The following SORCS1 variants were observed in gnomAD, a reference collection of about 807,000 sequenced individuals.
The protein encoded by SORCS1 is VPS10 domain-containing receptor SorCS1.
In SORCS1, 60 loss-of-function variants were observed where a neutral mutation model predicts 146.1. The observed-to-expected ratio is 0.41, with a 90% confidence interval of 0.33 to 0.51. SORCS1 has a LOEUF of 0.51. Among genes scored for constraint, SORCS1 ranks in the 20% least tolerant of loss-of-function variants. The pLI is 0.21. For synonymous variants in SORCS1, 637 were observed against 584.0 expected (o/e 1.09, Z -1.31); for missense variants, 1,352 against 1,487.6 (o/e 0.91, Z 1.50).
chr10:106,873,991 A>G (rs1950512125), intron 2 of SORCS1, among the ~76,000 whole-genome samples: 1 of 152,214 alleles, frequency 6.6e-6, no homozygotes, highest in Non-Finnish European at 1.5e-5. Context: ...TGCTTTAAAA[A>G]TGCTGATTGA....
the SORCS1 span, among the ~76,000 whole-genome samples, chr10:107,178,592 G>A: frequency 2.9e-3 from 435 of 151,864 alleles, 4 homozygotes; most frequent in African/African-American, 9.9e-3. Context: ...TCTACTTCCC[G>A]GGTTCAAGCA....
At chr10:106,887,613 A>G (rs1287117481) in intron 2 of SORCS1, among the ~76,000 whole-genome samples, 3 of 152,154 alleles carry the variant, frequency 2.0e-5, no homozygotes. Flanking sequence ...CTAATAAAAA[A>G]GCATATATAA....
chr10:106,791,552 A>G (rs1318814330), intron 3 of SORCS1, among the ~76,000 whole-genome samples: 3 of 152,096 alleles, frequency 2.0e-5, no homozygotes, highest in African/African-American at 7.2e-5. Flanking sequence ...ATACAAAATT[A>G]GTTGGGCGTG....
chr10:106,695,053 G>C (rs1054494707), intron 9 of SORCS1, among the ~76,000 whole-genome samples: 2 of 151,630 alleles, frequency 1.3e-5, no homozygotes, highest in African/African-American at 4.8e-5. Flanking sequence ...TTTTGCTCTG[G>C]CCACCATCAG....
intron 6 of SORCS1, among the ~76,000 whole-genome samples, chr10:106,711,474 C>T: frequency 6.6e-6 from 1 of 152,136 alleles, no homozygotes; most frequent in East Asian, 1.9e-4. Context: ...ACTTAAGGAA[C>T]TTATGTGTAC....
chr10:106,907,174 T>A (rs1319759491), intron 2 of SORCS1, among the ~76,000 whole-genome samples: 3 of 152,326 alleles, frequency 2.0e-5, no homozygotes, highest in African/African-American at 7.2e-5. Flanking sequence ...TATTATTTCC[T>A]AGCAGTGACT....
At chr10:106,748,550 G>A (rs533928099) in intron 5 of SORCS1, among the ~76,000 whole-genome samples, 33 of 151,706 alleles carry the variant, frequency 2.2e-4, no homozygotes, top group Non-Finnish European at 4.3e-4. Context: ...TCACTTATTC[G>A]TGCTAGTCTG....
At chr10:106,889,732 T>C in intron 2 of SORCS1, among the ~76,000 whole-genome samples, 1 of 152,020 alleles carries the variant, frequency 6.6e-6, no homozygotes, top group Non-Finnish European at 1.5e-5. Flanking sequence ...ACCCTGTCTC[T>C]ACTAAAAGTA....
At chr10:107,124,904 C>G (rs1966615183) in intron 1 of SORCS1, among the ~76,000 whole-genome samples, 1 of 152,034 alleles carries the variant, frequency 6.6e-6, no homozygotes, top group Non-Finnish European at 1.5e-5. Context: ...TGAATTCTAC[C>G]TCACTGCCCA....
At chr10:106,875,335 T>C (rs1041294616) in intron 2 of SORCS1, among the ~76,000 whole-genome samples, 1 of 152,252 alleles carries the variant, frequency 6.6e-6, no homozygotes, top group African/African-American at 2.4e-5. Flanking sequence ...GATGTATATA[T>C]ACCACGTTTT....
At chr10:106,654,408 G>T (rs1404705095) in intron 17 of SORCS1, among the ~76,000 whole-genome samples, 1 of 152,120 alleles carries the variant, frequency 6.6e-6, no homozygotes, top group East Asian at 1.9e-4. Flanking sequence ...CTACTGCACT[G>T]CTACTTTAAA....
At chr10:107,106,715 C>A (rs1423933553) in intron 1 of SORCS1, among the ~76,000 whole-genome samples, 1 of 151,616 alleles carries the variant, frequency 6.6e-6, no homozygotes, top group African/African-American at 2.4e-5. Context: ...AATGTTTATG[C>A]CCTCCCCTCC....
At chr10:107,083,842 A>G (rs995859742) in intron 1 of SORCS1, among the ~76,000 whole-genome samples, 3 of 152,158 alleles carry the variant, frequency 2.0e-5, no homozygotes, top group African/African-American at 7.2e-5. Flanking sequence ...TCTGACTGGA[A>G]TGGGGTTATA....
intron 2 of SORCS1, among the ~76,000 whole-genome samples, chr10:106,841,126 T>A (rs973419633): frequency 6.6e-6 from 1 of 151,872 alleles, no homozygotes; most frequent in South Asian, 2.1e-4. Context: ...AGTGTTGGGA[T>A]TACAGGCATG....
At chr10:107,079,743 A>C (rs1197838690) in intron 1 of SORCS1, among the ~76,000 whole-genome samples, 1 of 152,204 alleles carries the variant, frequency 6.6e-6, no homozygotes, top group African/African-American at 2.4e-5. Context: ...GAACCCTAGA[A>C]AATTGACAGC....
rs185481929 is a variant in SORCS1 at position 107,146,049 on chromosome 10, G to C, written c.558+17920C>G. On this transcript the variant is annotated intron_variant, in intron 1 of 25. Transcript: ENST00000263054. The stretch of plus-strand genomic sequence containing the variant: ...AGGGAAGTAGCTCCACAGTTTTATT[G>C]CATCCTTATATAACAGAATTTGCCT... Among the ~76,000 whole-genome samples the C allele has an allele frequency of 2.2e-3, 333 of 152,254 alleles. 3 individuals carry two copies. The highest frequency in any genetic ancestry group is 7.8e-3 in the African/African-American group (323 of 41,552).
chr10:107,086,844 ACG>A (rs1963800499), intron 1 of SORCS1, among the ~76,000 whole-genome samples: 1 of 152,238 alleles, frequency 6.6e-6, no homozygotes, highest in Non-Finnish European at 1.5e-5. Context: ...CCTGGCTAAC[ACG>A]GTGAAACCTC....
chr10:106,978,364 G>A (rs1397148506), intron 1 of SORCS1, among the ~76,000 whole-genome samples: 1 of 152,144 alleles, frequency 6.6e-6, no homozygotes, highest in Admixed American at 6.5e-5. Context: ...AAATCCCTAG[G>A]AGTCTTTATG....
At chr10:106,835,960 G>A (rs1948761597) in intron 2 of SORCS1, among the ~76,000 whole-genome samples, 2 of 151,020 alleles carry the variant, frequency 1.3e-5, no homozygotes, top group African/African-American at 4.9e-5. Context: ...AGCTGAGATC[G>A]CGCCATTGCA....
Sources: allele counts gnomAD v4.1 joint callset (sites outside exome capture counted in the v4.1 genomes callset), GRCh38; gene constraint gnomAD v4.1.1; transcripts MANE v1.5; gene names NCBI Gene and HGNC (gene_info 2026-07-23, HGNC 2026-07-21).